The following TBC1D1 variants were observed in gnomAD, a reference collection of about 807,000 sequenced individuals.
TBC1D1 encodes TBC1 (tre-2/USP6, BUB2, cdc16) domain family, member 1.
A neutral mutation model predicts 125.6 loss-of-function variants in TBC1D1; 89 were observed. The ratio of observed to expected loss-of-function variants is 0.71; its 90% CI spans 0.60 to 0.85. TBC1D1 has a LOEUF of 0.85. TBC1D1 is among the 40% of genes least tolerant of loss of function. The probability of loss-of-function intolerance (pLI) is 0.00; values close to 1 mark genes in which losing one functional copy is unlikely to be tolerated. For synonymous variants in TBC1D1, 565 were observed against 564.1 expected, an observed-to-expected ratio of 1.00 and a Z score of -0.02; for missense variants, 1,377 against 1,469.2, an observed-to-expected ratio of 0.94 and a Z score of 1.03.
At chr4:37,941,222 G>A (rs1009690167) in intron 2 of TBC1D1, among the ~76,000 whole-genome samples, 1 of 152,002 alleles carries the variant, frequency 6.6e-6, no homozygotes, top group South Asian at 2.1e-4. Flanking sequence ...GTCTATTCAG[G>A]GATTCAACTT....
Position 37,951,992 on chromosome 4 carries a change from T to C in TBC1D1, c.417+49480T>C, listed in dbSNP as rs1267670304. On this transcript the variant is annotated intron_variant, in intron 2 of 19. Transcript: ENST00000261439. ...TGTTCTCAGACTATGTATAAGCCTT[T>C]CCCTGTATTACAGTGCTCATCATCA... 5 of 717,526 alleles carry C rather than the reference T, an allele frequency of 7.0e-6. No homozygotes were observed. In the African/African-American group the frequency reaches 7.0e-5, roughly 10 times the overall value. 44.4% of individuals were successfully genotyped at this position (717,526 alleles called of 1,614,324 possible).
intron 2 of TBC1D1, among the ~76,000 whole-genome samples, chr4:37,972,930 T>C (rs1426381700): frequency 3.4e-5 from 5 of 148,196 alleles, no homozygotes; most frequent in African/African-American, 1.2e-4. Flanking sequence ...AAGAAAATAG[T>C]GTATTTGAGT....
chr4:38,025,405 G>A (rs954276693), intron 6 of TBC1D1, among the ~76,000 whole-genome samples: 2 of 152,222 alleles, frequency 1.3e-5, no homozygotes, highest in Admixed American at 6.5e-5. Context: ...GGCTAGCTGT[G>A]TGAGAATCCC....
intron 2 of TBC1D1, among the ~76,000 whole-genome samples, chr4:37,973,373 T>C (rs896831189): frequency 2.6e-5 from 4 of 152,182 alleles, no homozygotes; most frequent in African/African-American, 9.7e-5. Flanking sequence ...CTGTTAACTG[T>C]TACATTGAGG....
At chr4:37,979,157 G>A (rs566105041) in intron 2 of TBC1D1, among the ~76,000 whole-genome samples, 1 of 152,332 alleles carries the variant, frequency 6.6e-6, no homozygotes, top group South Asian at 2.1e-4. Context: ...GGTTACAGAT[G>A]TGAGCCACCA....
At chr4:37,984,672 T>C (rs1242252172) in intron 2 of TBC1D1, among the ~76,000 whole-genome samples, 1 of 151,786 alleles carries the variant, frequency 6.6e-6, no homozygotes. Flanking sequence ...GGCAAAACCC[T>C]ATCTCTAGAA....
chr4:38,035,538 A>G, intron 7 of TBC1D1, 50 bp from the exon 8 acceptor site: 1 of 1,477,288 alleles, frequency 6.8e-7, no homozygotes, highest in East Asian at 2.3e-5. Flanking sequence ...CGGCTTAGCA[A>G]TATTGTTGAC....
At chr4:37,989,910 C>T (rs1489892648) in intron 2 of TBC1D1, among the ~76,000 whole-genome samples, 2 of 152,060 alleles carry the variant, frequency 1.3e-5, no homozygotes, top group Non-Finnish European at 2.9e-5. Flanking sequence ...CTGTTAGACT[C>T]CAGAAAATAG....
At chr4:38,093,956 G>A (rs1758887796) in intron 13 of TBC1D1, among the ~76,000 whole-genome samples, 1 of 152,140 alleles carries the variant, frequency 6.6e-6, no homozygotes, top group Admixed American at 6.5e-5. Flanking sequence ...ATGTAACTCA[G>A]CATTTTATGC....
chr4:38,095,834 C>T (rs1759225303), intron 13 of TBC1D1, 95 bp from the exon 16 acceptor site: 8 of 1,296,056 alleles, frequency 6.2e-6, no homozygotes, highest in East Asian at 4.7e-5. Flanking sequence ...AACTGCTTGA[C>T]GTCTCAGCGG....
intron 2 of TBC1D1, among the ~76,000 whole-genome samples, chr4:37,951,472 A>G (rs1469529154): frequency 2.0e-5 from 3 of 152,214 alleles, no homozygotes; most frequent in Non-Finnish European, 2.9e-5. Flanking sequence ...TAAGAACTGC[A>G]TTATAAGAAG....
rs1412910435 is a variant in TBC1D1, at chr4:38,010,532, TG to T, written c.418-3975del. On this transcript the variant is annotated intron_variant, in intron 2 of 19. Transcript: ENST00000261439. ...AGATGCCTTTACTTTCAAGTCCTCC[TG>T]GTCTTAACATAGACAAAAGCAGAAC... 2.0e-5 allele frequency among the ~76,000 whole-genome samples: 3 copies of T among 152,340 alleles called. No homozygotes were observed. In the East Asian group the frequency reaches 5.8e-4, roughly 29 times the overall value.
In TBC1D1 at chr4:37,977,317, G is replaced by C. The variant is rs534973588; in HGVS notation, c.418-37192G>C. 3.8e-3 allele frequency: 540 copies of C among 143,670 alleles called. 4 individuals are homozygous for C. Among genetic ancestry groups the C allele is most frequent in the Middle Eastern group, 0.026 (7 of 270 alleles). 8.9% of individuals were successfully genotyped at this position (143,670 alleles called of 1,614,324 possible). A position where few individuals can be genotyped will look rare whatever the true frequency, so the allele number is the denominator to read the frequency against. On this transcript the variant is annotated intron_variant, in intron 2 of 19. Coordinates refer to ENST00000261439, the MANE Select transcript of TBC1D1 (RefSeq NM_015173.4). The surrounding 1 kb of genome is among the most constrained non-coding windows in gnomAD (Gnocchi z 4.3). ...CCCTTTCTCTGCCTGGCCGCCCCGC[G>C]GGCGCGACCTCTCGGGGCAGTGACG...
At chr4:38,119,556 T>G (rs1763524830) in intron 17 of TBC1D1, among the ~76,000 whole-genome samples, 1 of 152,030 alleles carries the variant, frequency 6.6e-6, no homozygotes, top group African/African-American at 2.4e-5. Context: ...CAAAATTGTG[T>G]GCTTAGTTTA....
At chr4:38,116,319 C>T (rs1352130596) in intron 16 of TBC1D1, among the ~76,000 whole-genome samples, 1 of 152,206 alleles carries the variant, frequency 6.6e-6, no homozygotes, top group Admixed American at 6.5e-5. Flanking sequence ...CTCCCAGCCT[C>T]TGCATCTGCT....
At chr4:38,053,014 C>T (rs1751034230) in intron 11 of TBC1D1, 92 bp from the exon 13 acceptor site, 26 of 987,212 alleles carry the variant, frequency 2.6e-5, no homozygotes, top group Non-Finnish European at 3.3e-5. Flanking sequence ...AGCATTAGAA[C>T]AAAAATGTTT....
At chr4:37,964,752 T>TCTTC (rs1730750914) in intron 2 of TBC1D1, among the ~76,000 whole-genome samples, 1 of 152,240 alleles carries the variant, frequency 6.6e-6, no homozygotes, top group South Asian at 2.1e-4. Context: ...TTCCTTTCTC[T>TCTTC]CTTCCTTCCT....
chr4:38,049,959 T>C (rs757395081), intron 11 of TBC1D1, 61 bp downstream of exon 11: 3 of 1,525,618 alleles, frequency 2.0e-6, no homozygotes, highest in East Asian at 4.5e-5. Flanking sequence ...TAGCCAGGTA[T>C]GTGCATCCCA....
At chr4:37,943,021 G>C (rs533089209) in intron 2 of TBC1D1, among the ~76,000 whole-genome samples, 2 of 152,292 alleles carry the variant, frequency 1.3e-5, no homozygotes, top group Admixed American at 1.3e-4. Flanking sequence ...GCTCTTGCAG[G>C]ACAGGCCTGG....
Sources: allele counts gnomAD v4.1 joint callset (sites outside exome capture counted in the v4.1 genomes callset), GRCh38; gene constraint gnomAD v4.1.1; non-coding constraint Gnocchi (gnomAD v3.1); transcripts MANE v1.5; gene names NCBI Gene and HGNC (gene_info 2026-07-23, HGNC 2026-07-21).